ATP1A4: variants seen among roughly 807,000 people sequenced by gnomAD.
The protein encoded by ATP1A4 is ATPase Na+/K+ transporting subunit alpha 4, also known as sodium/potassium-transporting ATPase subunit alpha-4.
ATP1A4 carries 90 observed loss-of-function variants against 114.3 expected under a neutral mutation model. The ratio of observed to expected loss-of-function variants is 0.79; its 90% CI spans 0.66 to 0.94. ATP1A4 has a LOEUF of 0.94. Among genes scored for constraint, ATP1A4 ranks in the 40% least tolerant of loss-of-function variants. The pLI is 0.00. For synonymous variants in ATP1A4, 511 were observed against 494.1 expected (o/e 1.03, Z -0.45); for missense variants, 1,222 against 1,313.6 (o/e 0.93, Z 1.08).
intron 20 of ATP1A4, among the ~76,000 whole-genome samples, chr1:160,184,743 C>T (rs1440748544): frequency 6.6e-6 from 1 of 152,136 alleles, no homozygotes; most frequent in African/African-American, 2.4e-5. Context: ...CATTATATTT[C>T]TATTGGACAG....
In ATP1A4 at chr1:160,186,678, G is replaced by A. The variant is rs374502113; in HGVS notation, c.3069G>A (p.Val1023=). Residue 1023 remains valine (V), a synonymous_variant, in exon 22 of 22, where the codon GTG becomes GTA. Coordinates refer to ENST00000368081, the MANE Select transcript of ATP1A4 (RefSeq NM_144699.4). Reference sequence around the variant, plus strand: ...GCCTCTTCTCTTCCACAGGCTGGGTGGAAAGGGAGACGTACTACTAAACTC... The same window carrying A: ...GCCTCTTCTCTTCCACAGGCTGGGTAGAAAGGGAGACGTACTACTAAACTC... The part of the protein sequence containing the change: ...LLIRQHPDGW[V]ERETYY The A allele has an allele frequency of 1.2e-6, 2 of 1,610,176 alleles. No homozygotes were observed. Among genetic ancestry groups the A allele is most frequent in the Admixed American group, 1.7e-5 (1 of 59,654 alleles).
intron 21 of ATP1A4, 140 bp from the exon 22 acceptor site, chr1:160,186,531 C>T (rs1006382159): frequency 9.0e-7 from 1 of 1,109,214 alleles, no homozygotes. Context: ...TGGCTGCACC[C>T]CTCTGCTCCA....
chr1:160,160,950 G>C (rs1454308171), intron 6 of ATP1A4, among the ~76,000 whole-genome samples: 1 of 152,126 alleles, frequency 6.6e-6, no homozygotes, highest in Admixed American at 6.5e-5. Context: ...GAAAAAATTT[G>C]CCCAAATTTA....
intron 18 of ATP1A4, 48 bp downstream of exon 18, chr1:160,177,712 T>G (rs731852): frequency 0.68 from 1,097,522 of 1,604,060 alleles, 378,942 homozygotes; most frequent in East Asian, 0.89. Flanking sequence ...AGAGTGAGAG[T>G]GACAGGGGAG....
chr1:160,171,227 C>G, intron 10 of ATP1A4, 24 bp from the exon 11 acceptor site: 1 of 1,597,682 alleles, frequency 6.3e-7, no homozygotes, highest in African/African-American at 1.3e-5. Context: ...CCTGTCCCAT[C>G]AGTGCTCCCT....
intron 7 of ATP1A4, among the ~76,000 whole-genome samples, chr1:160,165,992 A>T (rs1653014858): frequency 6.6e-6 from 1 of 151,646 alleles, no homozygotes; most frequent in Admixed American, 6.6e-5. Context: ...TTTTTTGGCC[A>T]GGCACGGTGG....
At chr1:160,153,559 A>G (rs1402537969) in intron 2 of ATP1A4, among the ~76,000 whole-genome samples, 2 of 152,236 alleles carry the variant, frequency 1.3e-5, no homozygotes, top group Non-Finnish European at 2.9e-5. Flanking sequence ...TATATTTACC[A>G]TATTAGAAAT....
rs55860376 is a variant in ATP1A4, at chr1:160,174,570, C to A, written c.2143-9C>A. On this transcript the variant is annotated splice_polypyrimidine_tract_variant and intron_variant, in intron 14 of 21. Coordinates refer to ENST00000368081, the MANE Select transcript of ATP1A4 (RefSeq NM_144699.4). ...AAATTGTTCACTCTCTCTGTCTGGACTTCCTCAGGGAGCCGTTGTGGCCGT... is the reference window on the plus strand; with the variant it reads ...AAATTGTTCACTCTCTCTGTCTGGAATTCCTCAGGGAGCCGTTGTGGCCGT... The A allele has an allele frequency of 6.2e-7, 1 of 1,611,834 alleles. No homozygotes were observed. Among genetic ancestry groups the A allele is most frequent in the Non-Finnish European group, 8.5e-7 (1 of 1,178,246 alleles).
chr1:160,186,899 C>T lies in ATP1A4; in HGVS notation c.*200C>T. 2 of 650,144 alleles carry T rather than the reference C, an allele frequency of 3.1e-6. No homozygotes were observed. Among genetic ancestry groups the T allele is most frequent in the South Asian group, 1.8e-5 (1 of 55,748 alleles). 40.3% of individuals were successfully genotyped at this position (650,144 alleles called of 1,614,324 possible). Reference sequence around the variant, plus strand: ...GAAGGGAAGCCCAGCCTGCATCTAGCTGGAGCCCCGCAGGGAGGGGCATGG... The same window carrying T: ...GAAGGGAAGCCCAGCCTGCATCTAGTTGGAGCCCCGCAGGGAGGGGCATGG... On this transcript the variant is annotated 3_prime_UTR_variant, in exon 22 of 22. Coordinates refer to ENST00000368081, the MANE Select transcript of ATP1A4 (RefSeq NM_144699.4).
rs1653911736 is a variant in ATP1A4, at chr1:160,186,851, A to G, written c.*152A>G. 5 of 903,000 alleles carry G rather than the reference A, an allele frequency of 5.5e-6. No homozygotes were observed. The highest frequency in any genetic ancestry group is 8.7e-6 in the Non-Finnish European group (5 of 574,978). The allele number at this position is 903,000 out of a possible 1,614,324, so 55.9% of individuals were successfully genotyped here. ...AATCCTGGGCTGGCTTGAGGGAATC[A>G]TGGGCAGAGGATGAGGTGGGCTGAA... On this transcript the variant is annotated 3_prime_UTR_variant, in exon 22 of 22. Coordinates refer to ENST00000368081, the MANE Select transcript of ATP1A4 (RefSeq NM_144699.4).
intron 17 of ATP1A4, 117 bp downstream of exon 17, chr1:160,176,719 G>A: frequency 1.4e-6 from 2 of 1,402,944 alleles, no homozygotes; most frequent in East Asian, 2.5e-5. Context: ...AACTGTGCTA[G>A]GCCCTGAAAA....
In ATP1A4 at chr1:160,181,781, C is replaced by T. The variant is rs1432369104; in HGVS notation, c.2834C>T (p.Thr945Ile). The T allele has an allele frequency of 1.2e-6, 2 of 1,613,938 alleles. No homozygotes were observed. The highest frequency in any genetic ancestry group is 1.7e-6 in the Non-Finnish European group (2 of 1,180,018). The change falls in exon 19 of 22, where the codon ACT (threonine) becomes ATT (isoleucine). Residue 945 changes from threonine to isoleucine, a missense_variant. Transcript: ENST00000368081. ...TGGGCGGATCTCATCATCTCCAAGA[C>T]TCGCCGCAACTCACTTTTCCAGCAG... is the stretch of plus-strand genomic sequence containing the variant. ...VQWADLIISK[T>I]RRNSLFQQGM...
At chr1:160,177,392 G>A (rs1441916655) in intron 17 of ATP1A4, 127 bp from the exon 18 acceptor site, 5 of 908,466 alleles carry the variant, frequency 5.5e-6, no homozygotes, top group East Asian at 2.5e-5. Flanking sequence ...AGATTCTTCC[G>A]CATTACTCTT....
At chr1:160,173,756 T>C (rs748848647) in intron 13 of ATP1A4, 39 bp downstream of exon 13, 2 of 1,598,526 alleles carry the variant, frequency 1.3e-6, no homozygotes, top group South Asian at 1.1e-5. Context: ...CCATGTTCCC[T>C]CCATCCCCAG....
chr1:160,186,799 G>A lies in ATP1A4; in HGVS notation c.*100G>A. 7.6e-7 allele frequency: 1 copy of A among 1,309,726 alleles called. No homozygotes were observed. Among genetic ancestry groups the A allele is most frequent in the Non-Finnish European group, 1.1e-6 (1 of 926,346 alleles). 81.1% of individuals were successfully genotyped at this position (1,309,726 alleles called of 1,614,324 possible). A position where few individuals can be genotyped will look rare whatever the true frequency, so the allele number is the denominator to read the frequency against. On this transcript the variant is annotated 3_prime_UTR_variant, in exon 22 of 22. Transcript: ENST00000368081. ...GACACAACATCTGAGACACTAGGAT[G>A]AATTATCTTGGATGAGAAAGATGGG...
intron 1 of ATP1A4, 142 bp downstream of exon 1, chr1:160,152,329 T>TTA: frequency 1.5e-6 from 1 of 683,114 alleles, no homozygotes. Flanking sequence ...AGGAGAGGGT[T>TTA]AAAAAAAAAA....
chr1:160,177,465 T>G, intron 17 of ATP1A4, 54 bp from the exon 18 acceptor site: 1 of 1,597,234 alleles, frequency 6.3e-7, no homozygotes, highest in Non-Finnish European at 8.6e-7. Context: ...GGCCTACCTT[T>G]TGGGGCCCTT....
At position 160,178,079 on chromosome 1, in the gene ATP1A4, G is replaced by A. The variant is rs528059353; in HGVS notation, c.2736+415G>A. Among the ~76,000 whole-genome samples, 839 of 152,034 alleles carry A rather than the reference G, an allele frequency of 5.5e-3. 7 individuals carry two copies. Among genetic ancestry groups the A allele is most frequent in the Non-Finnish European group, 9.9e-3 (672 of 68,032 alleles). On this transcript the variant is annotated intron_variant, in intron 18 of 21. Transcript: ENST00000368081. Reference sequence around the variant, plus strand: ...ATGATATGATTTAAAATTTGAGGCAGGGTGCAGTGGCTCACGCCTGTAATC... The same window carrying A: ...ATGATATGATTTAAAATTTGAGGCAAGGTGCAGTGGCTCACGCCTGTAATC...
rs1286272968 is a variant in ATP1A4 at position 160,183,768 on chromosome 1, A to G, written c.2969+1737A>G. On this transcript the variant is annotated intron_variant, in intron 20 of 21. Coordinates refer to ENST00000368081, the MANE Select transcript of ATP1A4 (RefSeq NM_144699.4). Reference sequence around the variant, plus strand: ...TTTGTAATTTTATTTAATTTTAATCAAAGTCAAAAACTAAAGTAATGTTTT... The same window carrying G: ...TTTGTAATTTTATTTAATTTTAATCGAAGTCAAAAACTAAAGTAATGTTTT... Among the ~76,000 whole-genome samples the G allele has an allele frequency of 5.3e-5, 8 of 152,200 alleles. No individual in the cohort carries two copies. The East Asian group carries it at 1.5e-3, about 29-fold the overall frequency.
Sources: gnomAD v4.1 joint callset for allele counts (sites outside exome capture counted in the v4.1 genomes callset) on GRCh38, gnomAD v4.1.1 for gene constraint, MANE v1.5 for transcripts, NCBI Gene and HGNC (gene_info 2026-07-23, HGNC 2026-07-21) for gene names.